The following PCNT variants were observed in gnomAD, a reference collection of about 807,000 sequenced individuals.
PCNT encodes the protein kendrin.
A neutral mutation model predicts 380.4 loss-of-function variants in PCNT; 319 were observed. The observed-to-expected ratio is 0.84, with a 90% CI of 0.77 to 0.92. PCNT has a LOEUF of 0.92. Among genes scored for constraint, PCNT ranks in the 40% least tolerant of loss-of-function variants. The pLI is 0.00. For synonymous variants in PCNT, 1,845 were observed against 1,735.2 expected (o/e 1.06, Z -1.57); for missense variants, 4,400 against 4,255.3 (o/e 1.03, Z -0.95).
intron 29 of PCNT, among the ~76,000 whole-genome samples, chr21:46,413,542 C>T (rs1288592264): frequency 1.3e-5 from 2 of 152,222 alleles, no homozygotes; most frequent in African/African-American, 4.8e-5. Context: ...TTCGTACGTG[C>T]TTCATTTAAG....
chr21:46,343,397 A>AT (rs2083964994), intron 3 of PCNT, among the ~76,000 whole-genome samples: 1 of 151,804 alleles, frequency 6.6e-6, no homozygotes, highest in Non-Finnish European at 1.5e-5. Context: ...TGATCATATG[A>AT]TTTTTCTTTT....
intron 29 of PCNT, among the ~76,000 whole-genome samples, chr21:46,414,004 T>G (rs1307292007): frequency 6.6e-6 from 1 of 151,498 alleles, no homozygotes; most frequent in Admixed American, 6.6e-5. Context: ...CTTTTTTTTT[T>G]TTTTTGAGAC....
At chr21:46,384,760 T>G (rs1260464694) in intron 16 of PCNT, among the ~76,000 whole-genome samples, 1 of 141,130 alleles carries the variant, frequency 7.1e-6, no homozygotes, top group Admixed American at 7.1e-5. Context: ...GGAAGCGCAT[T>G]CACGGTGTTG....
intron 21 of PCNT, among the ~76,000 whole-genome samples, chr21:46,396,162 A>G (rs1249718270): frequency 1.3e-5 from 2 of 152,258 alleles, no homozygotes; most frequent in South Asian, 2.1e-4. Context: ...ACGCTTTTTC[A>G]TCTGCAGTTT....
intron 37 of PCNT, 31 bp from the exon 38 acceptor site, chr21:46,431,498 G>T: frequency 6.2e-7 from 1 of 1,613,824 alleles, no homozygotes; most frequent in East Asian, 2.2e-5. Flanking sequence ...TCTTGATTCA[G>T]TGTCTCCCAT....
intron 3 of PCNT, among the ~76,000 whole-genome samples, chr21:46,340,902 G>A (rs1009942218): frequency 1.3e-5 from 2 of 152,080 alleles, no homozygotes; most frequent in Non-Finnish European, 2.9e-5. Context: ...TCGAACTCTT[G>A]AGACGAAGTC....
rs768786613 is a variant in PCNT at position 46,445,303 on chromosome 21, C to T, written c.9987C>T (p.Ser3329=). 5 of 1,608,950 alleles carry T rather than the reference C, an allele frequency of 3.1e-6. No individual in the cohort carries two copies. The South Asian group carries it at 5.5e-5, about 18-fold the overall frequency. ...ATGCAGATTCTACTTCAAAGAAATC[C>T]TGCCACCCGATGATTAAACAGTGAA... The part of the protein sequence containing the change: ...GVLPDSTSKK[S]CHPMIKQ The change falls in exon 47 of 47, where the codon TCC becomes TCT. Residue 3329 remains serine (S), a synonymous_variant. Transcript: ENST00000359568.
chr21:46,424,796 C>G (rs77298161), intron 32 of PCNT, among the ~76,000 whole-genome samples: 83 of 151,370 alleles, frequency 5.5e-4, no homozygotes, highest in Admixed American at 2.6e-3. Context: ...TCCCCTCAAC[C>G]CCACCCTGCT....
rs113679242 is a variant in PCNT, at chr21:46,424,847, C to T, written c.7180-984C>T. On this transcript the variant is annotated intron_variant, in intron 32 of 46. Coordinates refer to ENST00000359568, the MANE Select transcript of PCNT (RefSeq NM_006031.6). ...GTTTGCATCCATCCTGTGCCACATA[C>T]GTTATGTTTAAAGTAAAAGTGTTTT... is the stretch of plus-strand genomic sequence containing the variant. Among the ~76,000 whole-genome samples, 209 of 151,540 alleles carry T rather than the reference C, an allele frequency of 1.4e-3. 2 individuals carry two copies. Among genetic ancestry groups the T allele is most frequent in the African/African-American group, 4.7e-3 (195 of 41,352 alleles).
At chr21:46,418,893 C>T (rs2087136054) in intron 31 of PCNT, among the ~76,000 whole-genome samples, 1 of 152,228 alleles carries the variant, frequency 6.6e-6, no homozygotes, top group Non-Finnish European at 1.5e-5. Flanking sequence ...GTGGGCTTGA[C>T]TTGGGCCTTT....
At chr21:46,421,511 G>A (rs933156751) in intron 31 of PCNT, among the ~76,000 whole-genome samples, 10 of 152,174 alleles carry the variant, frequency 6.6e-5, no homozygotes, top group South Asian at 2.1e-4. Flanking sequence ...GAGCTGCACC[G>A]CAGGGACCCC....
At chr21:46,413,942 C>G (rs2086905088) in intron 29 of PCNT, among the ~76,000 whole-genome samples, 1 of 151,846 alleles carries the variant, frequency 6.6e-6, no homozygotes, top group South Asian at 2.1e-4. Flanking sequence ...GCAGGAGCTG[C>G]CCTCTCCTCA....
Position 46,411,978 on chromosome 21 carries a change from C to T in PCNT, c.5905C>T (p.Arg1969Cys), listed in dbSNP as rs759067437. The T allele has an allele frequency of 7.5e-6, 12 of 1,603,170 alleles. No individual in the cohort carries two copies. The highest frequency in any genetic ancestry group is 5.0e-5 in the Admixed American group (3 of 59,970). ...GGTGCCCGGGGCCCACCCACAGCCTCGCATGGATGGTGGCGCCAAGGCCCA... is the reference window on the plus strand; with the variant it reads ...GGTGCCCGGGGCCCACCCACAGCCTTGCATGGATGGTGGCGCCAAGGCCCA... ...TRVPGAHPQP[R>C]MDGGAKAQVT... The change falls in exon 28 of 47, where the codon CGC becomes TGC. Residue 1969 changes from arginine (R) to cysteine (C), a missense_variant. By Grantham distance (180) the Arg-to-Cys change is radical. Transcript: ENST00000359568.
chr21:46,380,658 C>T (rs142999772), intron 15 of PCNT, among the ~76,000 whole-genome samples: 1 of 152,250 alleles, frequency 6.6e-6, no homozygotes, highest in East Asian at 1.9e-4. Context: ...CAAAGTTAAG[C>T]ACCTGAAGTT....
At chr21:46,419,478 G>A (rs2087157565) in intron 31 of PCNT, among the ~76,000 whole-genome samples, 1 of 152,222 alleles carries the variant, frequency 6.6e-6, no homozygotes, top group Admixed American at 6.5e-5. Flanking sequence ...CACGCCCCTT[G>A]CTACACGAGG....
chr21:46,365,893 G>T (rs1363395252), intron 14 of PCNT, among the ~76,000 whole-genome samples: 1 of 122,576 alleles, frequency 8.2e-6, no homozygotes, highest in Non-Finnish European at 1.5e-5. Flanking sequence ...CACTGTCGTG[G>T]GGTTCTGTTC....
chr21:46,410,304 G>A (rs1374262044), intron 27 of PCNT, among the ~76,000 whole-genome samples: 1 of 152,136 alleles, frequency 6.6e-6, no homozygotes, highest in Non-Finnish European at 1.5e-5. Flanking sequence ...TTTTTTTTCT[G>A]TAGGCCAGAT....
chr21:46,411,226 A>T lies in PCNT; in HGVS notation c.5153A>T (p.Lys1718Ile), dbSNP rs761162535. ...AGAAGTTCTGAGATTGAAGAGCTGA[A>T]AGCCACTATTGAAAATCTGCAAGAG... ...YTRSSEIEELKATIENLQENQ... is the reference protein window; with the variant it reads ...YTRSSEIEELIATIENLQENQ... Residue 1718 changes from lysine to isoleucine, a missense_variant, in exon 28 of 47, where the codon AAA becomes ATA. Transcript: ENST00000359568. 4 of 1,614,206 alleles carry T rather than the reference A, an allele frequency of 2.5e-6. No homozygotes were observed. In the South Asian group the frequency reaches 4.4e-5, roughly 18 times the overall value.
At chr21:46,397,585 A>G (rs949266136) in intron 22 of PCNT, 91 bp downstream of exon 22, 2 of 1,120,630 alleles carry the variant, frequency 1.8e-6, no homozygotes, top group Non-Finnish European at 2.6e-6. Context: ...AAGCTTCTGC[A>G]GTAGGATGTT....
Sources: allele counts gnomAD v4.1 joint callset (sites outside exome capture counted in the v4.1 genomes callset), GRCh38; gene constraint gnomAD v4.1.1; transcripts MANE v1.5; gene names NCBI Gene and HGNC (gene_info 2026-07-23, HGNC 2026-07-21).